MUC12: variants seen among roughly 807,000 people sequenced by gnomAD.
MUC12 encodes mucin-12.
In MUC12, 172 loss-of-function variants were observed where a neutral mutation model predicts 230.8. That is an observed-to-expected ratio of 0.75 (90% CI 0.66 to 0.85). MUC12 has a LOEUF of 0.85. Among genes scored for constraint, MUC12 ranks in the 40% least tolerant of loss-of-function variants. The pLI is 0.00. For missense variants in MUC12, 3,506 were observed against 5,920.6 expected (o/e 0.59, Z 13.38); for synonymous variants, 1,259 against 2,401.9 (o/e 0.52, Z 13.91).
rs1442131886 is a variant in MUC12 at position 100,991,660 on chromosome 7, G to A, written c.1097G>A (p.Gly366Asp). 6.5e-6 allele frequency: 10 copies of A among 1,537,292 alleles called. No individual in the cohort carries two copies. The highest frequency in any genetic ancestry group is 2.7e-5 in the African/African-American group (2 of 73,032). Residue 366 changes from glycine to aspartate, a missense_variant, in exon 2 of 12, where the codon GGC (glycine) becomes GAC (aspartate). Gly to Asp is a moderately conservative substitution (Grantham distance 94). Coordinates refer to ENST00000536621, the MANE Select transcript of MUC12 (RefSeq NM_001164462.2). Reference sequence around the variant, plus strand: ...TCTACAGCCTACCACAGGAGCCCGGGCTCAACTCAAACAATGCACTTCCCT... The same window carrying A: ...TCTACAGCCTACCACAGGAGCCCGGACTCAACTCAAACAATGCACTTCCCT... ...EESTAYHRSP[G>D]STQTMHFPES...
In MUC12 at chr7:101,018,520, G is replaced by C. The variant is rs535134357; in HGVS notation, c.15967-75G>C. The C allele has an allele frequency of 8.9e-6, 13 of 1,461,138 alleles. No individual in the cohort carries two copies. The East Asian group carries it at 3.0e-4, about 34-fold the overall frequency. 90.5% of individuals were successfully genotyped at this position (1,461,138 alleles called of 1,614,324 possible). Reference sequence around the variant, plus strand: ...CTGGGGTTCCCTCCTCCCCGCCAGGGCTCCCTCTTCCTCCTGGGGCTCCCC... The same window carrying C: ...CTGGGGTTCCCTCCTCCCCGCCAGGCCTCCCTCTTCCTCCTGGGGCTCCCC... On this transcript the variant is annotated intron_variant, in intron 11 of 11. Transcript: ENST00000536621.
In MUC12 at chr7:101,018,710, C is replaced by T. The variant is rs746339375; in HGVS notation, c.*74C>T. On this transcript the variant is annotated 3_prime_UTR_variant, in exon 12 of 12. Transcript: ENST00000536621. ...AAACACAGAGCCCACCACAAGCCTC[C>T]GGGGCGGGTCAAGAGGAGACCGAAG... 7.6e-5 allele frequency: 111 copies of T among 1,452,638 alleles called. No homozygotes were observed. Among genetic ancestry groups the T allele is most frequent in the Non-Finnish European group, 8.6e-5 (94 of 1,087,850 alleles). 90.0% of individuals were successfully genotyped at this position (1,452,638 alleles called of 1,614,324 possible). A position where few individuals can be genotyped will look rare whatever the true frequency, so the allele number is the denominator to read the frequency against.
Position 101,006,465 on chromosome 7 carries a change from C to T in MUC12, c.14957-6C>T. On this transcript the variant is annotated splice_polypyrimidine_tract_variant and splice_region_variant and intron_variant, in intron 2 of 11. Coordinates refer to ENST00000536621, the MANE Select transcript of MUC12 (RefSeq NM_001164462.2). Reference sequence around the variant, plus strand: ...GGTGACTGCTGTGGATTCTATCTCTCCACAGGGTTGTGCCAGGAAGGACAA... The same window carrying T: ...GGTGACTGCTGTGGATTCTATCTCTTCACAGGGTTGTGCCAGGAAGGACAA... 6.5e-7 allele frequency: 1 copy of T among 1,535,334 alleles called. No individual in the cohort carries two copies. Among genetic ancestry groups the T allele is most frequent in the Non-Finnish European group, 8.7e-7 (1 of 1,145,252 alleles).
chr7:100,983,715 C>T (rs1793144371), intron 1 of MUC12, among the ~76,000 whole-genome samples: 1 of 152,114 alleles, frequency 6.6e-6, no homozygotes, highest in Non-Finnish European at 1.5e-5. Flanking sequence ...GCTCTGTACC[C>T]AATAAATGCC....
chr7:100,970,101 GT>G, intron 1 of MUC12, among the ~76,000 whole-genome samples: 1 of 152,402 alleles, frequency 6.6e-6, no homozygotes, highest in East Asian at 1.9e-4. Flanking sequence ...GCTAGCCCTG[GT>G]CGGGAGAGAG....
intron 1 of MUC12, chr7:100,981,418 G>C: frequency 1.6e-6 from 1 of 631,034 alleles, no homozygotes; most frequent in Non-Finnish European, 2.8e-6. Flanking sequence ...AGGGGACGAC[G>C]GGGATGGCAG....
Position 100,995,745 on chromosome 7 carries a change from T to C in MUC12, c.5182T>C (p.Phe1728Leu). ...CCCGAGCTCAACTCCAACAACCCACTTTTCTGCCAGCTCCACAACCTTGGG... is the reference window on the plus strand; with the variant it reads ...CCCGAGCTCAACTCCAACAACCCACCTTTCTGCCAGCTCCACAACCTTGGG... Reference protein sequence around the residue: ...GSPSSTPTTHFSASSTTLGRS... With the variant: ...GSPSSTPTTHLSASSTTLGRS... Residue 1728 changes from phenylalanine to leucine, a missense_variant, in exon 2 of 12, where the codon TTT becomes CTT. By Grantham distance (22) the Phe-to-Leu change is conservative. Coordinates refer to ENST00000536621, the MANE Select transcript of MUC12 (RefSeq NM_001164462.2). The C allele has an allele frequency of 6.5e-7, 1 of 1,534,060 alleles. No homozygotes were observed. The highest frequency in any genetic ancestry group is 8.7e-7 in the Non-Finnish European group (1 of 1,146,110).
At chr7:100,985,252 C>G (rs1199976512) in intron 1 of MUC12, among the ~76,000 whole-genome samples, 1 of 151,994 alleles carries the variant, frequency 6.6e-6, no homozygotes, top group African/African-American at 2.4e-5. Context: ...CACAGGGAGT[C>G]GAAGCTGTCT....
chr7:100,972,807 A>C, intron 1 of MUC12: 2 of 697,786 alleles, frequency 2.9e-6, no homozygotes, highest in Non-Finnish European at 2.6e-6. Context: ...CATCTGGCCC[A>C]GCATCTGTAG....
Position 100,991,887 on chromosome 7 carries a change from A to C in MUC12, c.1324A>C (p.Ser442Arg). 1 of 1,538,018 alleles carries C rather than the reference A, an allele frequency of 6.5e-7. No homozygotes were observed. Among genetic ancestry groups the C allele is most frequent in the Non-Finnish European group, 8.7e-7 (1 of 1,147,076 alleles). ...TAGTGAGGAATCAAAAGCATCCCAC[A>C]GCAGCCCAGATGCAATGGCAACAAC... ...GRSEESKASH[S>R]SPDAMATTVL... Residue 442 changes from serine to arginine, a missense_variant, in exon 2 of 12, where the codon AGC becomes CGC. Ser to Arg is a moderately radical substitution (Grantham distance 110). Transcript: ENST00000536621.
At position 100,995,686 on chromosome 7, in the gene MUC12, C is replaced by T; in HGVS notation, c.5123C>T (p.Ala1708Val). ...TMPAPPTTTS[A>V]FVELSTTSHG... is the part of the protein sequence containing the mutation. The stretch of plus-strand genomic sequence containing the variant: ...CCTGCACCTCCTACTACCACATCAG[C>T]CTTTGTTGAGCTATCTACAACCTCC... Residue 1708 changes from alanine to valine, a missense_variant, in exon 2 of 12, where the codon GCC becomes GTC. Coordinates refer to ENST00000536621, the MANE Select transcript of MUC12 (RefSeq NM_001164462.2). The T allele has an allele frequency of 2.0e-6, 3 of 1,537,256 alleles. No homozygotes were observed. Among genetic ancestry groups the T allele is most frequent in the African/African-American group, 1.4e-5 (1 of 72,556 alleles).
chr7:100,983,705 G>A (rs1298217349), intron 1 of MUC12, among the ~76,000 whole-genome samples: 1 of 152,114 alleles, frequency 6.6e-6, no homozygotes, highest in East Asian at 1.9e-4. Flanking sequence ...ACAGGAATCT[G>A]CTCTGTACCC....
Position 101,000,914 on chromosome 7 carries a change from C to G in MUC12, c.10351C>G (p.Pro3451Ala), listed in dbSNP as rs1452226008. 6.8e-7 allele frequency: 1 copy of G among 1,479,590 alleles called. No homozygotes were observed. Among genetic ancestry groups the G allele is most frequent in the East Asian group, 2.5e-5 (1 of 40,412 alleles). 91.7% of individuals were successfully genotyped at this position (1,479,590 alleles called of 1,614,324 possible). A position where few individuals can be genotyped will look rare whatever the true frequency, so the allele number is the denominator to read the frequency against. The stretch of plus-strand genomic sequence containing the variant: ...AGGCTCAATGGAAACGACAGCGTTA[C>G]CCGGCAGTACCACAACGCCAGGCCT... ...SSGSMETTAL[P>A]GSTTTPGLSE... The change falls in exon 2 of 12, where the codon CCC becomes GCC. Residue 3451 changes from proline (P) to alanine (A), a missense_variant. Pro to Ala is a conservative substitution (Grantham distance 27, BLOSUM62 -1). Transcript: ENST00000536621.
At chr7:100,982,594 G>A (rs780453799) in intron 1 of MUC12, among the ~76,000 whole-genome samples, 5 of 151,626 alleles carry the variant, frequency 3.3e-5, no homozygotes, top group Non-Finnish European at 5.9e-5. Flanking sequence ...ACAGCACCAC[G>A]CCTGACTAAT....
intron 1 of MUC12, among the ~76,000 whole-genome samples, chr7:100,970,982 G>A (rs1379751214): frequency 1.3e-5 from 2 of 150,300 alleles, no homozygotes; most frequent in South Asian, 2.1e-4. Flanking sequence ...GGGCGACAGC[G>A]AGACTCCGTC....
chr7:100,995,307 C>A lies in MUC12; in HGVS notation c.4744C>A (p.Arg1582=). The change falls in exon 2 of 12, where the codon CGA becomes AGA. Residue 1582 remains arginine (R), a synonymous_variant. Coordinates refer to ENST00000536621, the MANE Select transcript of MUC12 (RefSeq NM_001164462.2). Reference sequence around the variant, plus strand: ...TGAAGAATCCACCACCTCCCACAGCCGACCAGGCTCAACGCACACAACAGC... The same window carrying A: ...TGAAGAATCCACCACCTCCCACAGCAGACCAGGCTCAACGCACACAACAGC... ...VSEESTTSHS[R]PGSTHTTAFP... 1 of 1,527,546 alleles carries A rather than the reference C, an allele frequency of 6.5e-7. No individual in the cohort carries two copies. The highest frequency in any genetic ancestry group is 8.7e-7 in the Non-Finnish European group (1 of 1,144,256). The allele number at this position is 1,527,546 out of a possible 1,614,324, so 94.6% of individuals were successfully genotyped here.
intron 1 of MUC12, among the ~76,000 whole-genome samples, chr7:100,971,452 A>C (rs541023793): frequency 4.9e-4 from 75 of 152,308 alleles, no homozygotes; most frequent in African/African-American, 1.8e-3. Flanking sequence ...GCCCTGCAGG[A>C]CACCTTCGAG....
At position 100,991,238 on chromosome 7, in the gene MUC12, C is replaced by G; in HGVS notation, c.675C>G (p.His225Gln). The G allele has an allele frequency of 6.5e-7, 1 of 1,537,794 alleles. No individual in the cohort carries two copies. Among genetic ancestry groups the G allele is most frequent in the Non-Finnish European group, 8.7e-7 (1 of 1,147,038 alleles). Residue 225 changes from histidine to glutamine, a missense_variant, in exon 2 of 12, where the codon CAC becomes CAG. His to Gln is a conservative substitution (Grantham distance 24). Transcript: ENST00000536621. ...TTGGTCCAGAATCTACTACCTTCCA[C>G]AGCAGCCCAGGCTACACTAAAACAA... ...SSLGPESTTF[H>Q]SSPGYTKTTR...
chr7:101,012,826 A>G lies in MUC12; in HGVS notation c.15411A>G (p.Ile5137Met), dbSNP rs370527644. 1 of 1,537,102 alleles carries G rather than the reference A, an allele frequency of 6.5e-7. No individual in the cohort carries two copies. Among genetic ancestry groups the G allele is most frequent in the Non-Finnish European group, 8.7e-7 (1 of 1,146,902 alleles). ...CCCATCCACTCTCGGCAGAGGCCAT[A>G]CTGTGCTATAGTGAAGAGGACACTT... is the stretch of plus-strand genomic sequence containing the variant. ...LLDPDSCRKAILCYSEEDTFV... is the reference protein window; with the variant it reads ...LLDPDSCRKAMLCYSEEDTFV... Residue 5137 changes from isoleucine (I) to methionine (M), a missense_variant, in exon 7 of 12, where the codon ATA (isoleucine) becomes ATG (methionine). Ile to Met is a conservative substitution (Grantham distance 10, BLOSUM62 1). Transcript: ENST00000536621.
Sources: gnomAD v4.1 joint callset for allele counts (sites outside exome capture counted in the v4.1 genomes callset) on GRCh38, gnomAD v4.1.1 for gene constraint, MANE v1.5 for transcripts, NCBI Gene and HGNC (gene_info 2026-07-23, HGNC 2026-07-21) for gene names.